PCSK5: variants seen among roughly 807,000 people sequenced by gnomAD.
PCSK5 encodes prohormone convertase 5.
PCSK5 carries 129 observed loss-of-function variants against 233.2 expected under a neutral mutation model. That is an observed-to-expected ratio of 0.55 (90% CI 0.48 to 0.64). PCSK5 has a LOEUF of 0.64. Ranked by LOEUF, PCSK5 falls within the 30% of genes least tolerant of loss-of-function variation. The probability of loss-of-function intolerance (pLI) is 0.00; values close to 1 mark genes in which losing one functional copy is unlikely to be tolerated. For synonymous variants in PCSK5, 825 were observed against 879.2 expected (o/e 0.94, Z 1.09); for missense variants, 2,076 against 2,430.1 (o/e 0.85, Z 3.06).
intron 30 of PCSK5, among the ~76,000 whole-genome samples, chr9:76,316,740 CAA>C (rs58485029): frequency 5.5e-3 from 354 of 64,542 alleles, no homozygotes; most frequent in African/African-American, 0.022. Context: ...CTTGTCTCAC[CAA>C]AAAAAAAAAA....
chr9:76,010,252 T>G (rs1028575394), intron 3 of PCSK5, among the ~76,000 whole-genome samples: 3 of 152,192 alleles, frequency 2.0e-5, no homozygotes, highest in African/African-American at 7.2e-5. Flanking sequence ...ACCACCAACT[T>G]TCAGATTAAC....
At chr9:76,040,395 C>CTGTCTCTCTGTCTCTCTG (rs1563988690) in intron 5 of PCSK5, among the ~76,000 whole-genome samples, 5 of 111,920 alleles carry the variant, frequency 4.5e-5, no homozygotes, top group Non-Finnish European at 7.7e-5. Context: ...GTCTCTCTCT[C>CTGTCTCTCTGTCTCTCTG]TCTCTCTCTC....
chr9:76,316,740 CAAAAAAAAAAA>C (rs58485029), intron 30 of PCSK5, among the ~76,000 whole-genome samples: 14,720 of 64,550 alleles, frequency 0.23, 991 homozygotes, highest in South Asian at 0.32. Flanking sequence ...CTTGTCTCAC[CAAAAAAAAAAA>C]AAAAAAAAAA....
chr9:76,155,583 G>A (rs1220513194), intron 10 of PCSK5, among the ~76,000 whole-genome samples: 7 of 152,102 alleles, frequency 4.6e-5, no homozygotes, highest in Non-Finnish European at 4.4e-5. Context: ...AACAGTGTGT[G>A]GTACATCAAA....
intron 20 of PCSK5, among the ~76,000 whole-genome samples, chr9:76,219,716 G>A (rs538158217): frequency 2.6e-5 from 4 of 152,282 alleles, no homozygotes; most frequent in South Asian, 4.2e-4. Flanking sequence ...CTCCTGCTGC[G>A]GGCTTGCATC....
At chr9:75,940,598 A>G (rs1380162986) in intron 2 of PCSK5, among the ~76,000 whole-genome samples, 4 of 152,236 alleles carry the variant, frequency 2.6e-5, no homozygotes, top group Non-Finnish European at 4.4e-5. Flanking sequence ...TGTTGTGCTC[A>G]GGATTAGATT....
chr9:75,908,931 C>CTG (rs1564074917), intron 1 of PCSK5, among the ~76,000 whole-genome samples: 58 of 117,738 alleles, frequency 4.9e-4, no homozygotes, highest in African/African-American at 1.1e-3. Flanking sequence ...ATCTCTCTAT[C>CTG]TCTCTCTCTG....
chr9:76,191,349 A>G (rs1368670254), intron 20 of PCSK5, among the ~76,000 whole-genome samples: 1 of 152,174 alleles, frequency 6.6e-6, no homozygotes, highest in Non-Finnish European at 1.5e-5. Context: ...GAGAATGTGG[A>G]CTTGGAAGTC....
chr9:76,233,696 G>C (rs564207354), intron 22 of PCSK5, 100 bp downstream of exon 22: 8 of 1,087,316 alleles, frequency 7.4e-6, no homozygotes, highest in Non-Finnish European at 1.1e-5. Flanking sequence ...CTGGGGCTGA[G>C]GGTTAAGATC....
chr9:76,346,822 A>G (rs1829993709), intron 35 of PCSK5, among the ~76,000 whole-genome samples: 1 of 152,192 alleles, frequency 6.6e-6, no homozygotes, highest in Non-Finnish European at 1.5e-5. Flanking sequence ...AAAGAATCAG[A>G]AAAAATTTAG....
chr9:76,152,436 T>C (rs1823712226), intron 10 of PCSK5, among the ~76,000 whole-genome samples: 11 of 152,234 alleles, frequency 7.2e-5, no homozygotes, highest in Admixed American at 7.2e-4. Context: ...CCTAGGCTCC[T>C]TGGAGAGAGT....
intron 2 of PCSK5, among the ~76,000 whole-genome samples, chr9:75,960,939 A>G (rs962158899): frequency 3.3e-5 from 3 of 91,874 alleles, no homozygotes; most frequent in Non-Finnish European, 4.6e-5. Flanking sequence ...AACCAAGTAG[A>G]TGACTCTTCT....
At position 75,993,776 on chromosome 9, in the gene PCSK5, A is replaced by G. The variant is rs114923331; in HGVS notation, c.411+7531A>G. Among the ~76,000 whole-genome samples the G allele has an allele frequency of 1.4e-3, 210 of 152,354 alleles. 1 individual carries two copies. The highest frequency in any genetic ancestry group is 6.8e-3 in the Middle Eastern group (2 of 294). ...ATCAAGCTTCCAAGAGACTTGCTTT[A>G]GTAAATCACACAGAAAGCACTTAGT... On this transcript the variant is annotated intron_variant, in intron 3 of 37. Coordinates refer to ENST00000674117, the MANE Select transcript of PCSK5 (RefSeq NM_001372043.1).
At chr9:76,013,094 GT>G (rs201809397) in intron 3 of PCSK5, among the ~76,000 whole-genome samples, 5,049 of 152,118 alleles carry the variant, frequency 0.033, 171 homozygotes, top group East Asian at 0.18. Flanking sequence ...ACACTAATAA[GT>G]CTTTTTTGTC....
At chr9:75,944,437 AAAGCAAC>A (rs952891096) in intron 2 of PCSK5, among the ~76,000 whole-genome samples, 1 of 152,070 alleles carries the variant, frequency 6.6e-6, no homozygotes, top group African/African-American at 2.4e-5. Flanking sequence ...TTGAAATATC[AAAGCAAC>A]AATGCTTTGA....
At chr9:75,894,714 C>A (rs1052163504) in intron 1 of PCSK5, among the ~76,000 whole-genome samples, 5 of 152,126 alleles carry the variant, frequency 3.3e-5, no homozygotes, top group African/African-American at 1.2e-4. Flanking sequence ...GTGGAACCAG[C>A]ACCTTCTGAG....
chr9:76,134,248 T>G, intron 10 of PCSK5, 36 bp downstream of exon 10: 1 of 1,278,744 alleles, frequency 7.8e-7, no homozygotes, highest in Non-Finnish European at 1.1e-6. Context: ...ACAGGCAAAA[T>G]ATTTTTATTT....
intron 20 of PCSK5, among the ~76,000 whole-genome samples, chr9:76,197,071 G>A (rs1362771250): frequency 1.3e-5 from 2 of 152,182 alleles, no homozygotes; most frequent in Non-Finnish European, 2.9e-5. Flanking sequence ...AAGAGAGCGG[G>A]AAGAACATTA....
chr9:76,088,360 AC>A (rs1177991620), intron 7 of PCSK5, among the ~76,000 whole-genome samples: 2 of 152,188 alleles, frequency 1.3e-5, no homozygotes, highest in Admixed American at 1.3e-4. Flanking sequence ...GAATTAATGA[AC>A]TGTTTCCTTT....
Sources: allele counts gnomAD v4.1 joint callset (sites outside exome capture counted in the v4.1 genomes callset), GRCh38; gene constraint gnomAD v4.1.1; transcripts MANE v1.5; gene names NCBI Gene and HGNC (gene_info 2026-07-23, HGNC 2026-07-21).